The following RNF150 variants were observed in gnomAD, a reference collection of about 807,000 sequenced individuals.
RNF150 encodes the protein ring finger protein 150.
Under a neutral mutation model 39.3 loss-of-function variants are expected in RNF150, and 24 were observed. That is an observed-to-expected ratio of 0.61 (90% confidence interval 0.44 to 0.86). RNF150 has a LOEUF of 0.86. Among genes scored for constraint, RNF150 ranks in the 40% least tolerant of loss-of-function variants. RNF150 has a pLI of 0.00. For missense variants in RNF150, 502 were observed against 587.8 expected, an observed-to-expected ratio of 0.85 and a Z score of 1.51; for synonymous variants, 255 against 227.3, an observed-to-expected ratio of 1.12 and a Z score of -1.10.
intron 1 of RNF150, among the ~76,000 whole-genome samples, chr4:141,019,999 C>CTCTG (rs1735426786): frequency 6.6e-6 from 1 of 152,102 alleles, no homozygotes; most frequent in South Asian, 2.1e-4. Context: ...CCTCTATTAA[C>CTCTG]TCTTAGACAG....
intron 1 of RNF150, among the ~76,000 whole-genome samples, chr4:141,106,378 A>G (rs1739208626): frequency 6.6e-6 from 1 of 152,320 alleles, no homozygotes; most frequent in African/African-American, 2.4e-5. Flanking sequence ...ATATATACAC[A>G]CAGTGAAAAA....
chr4:140,893,642 G>A (rs1362166754), intron 6 of RNF150, among the ~76,000 whole-genome samples: 5 of 152,114 alleles, frequency 3.3e-5, no homozygotes, highest in African/African-American at 1.2e-4. Flanking sequence ...ACCTCCCTAA[G>A]AAGAGGGGCC....
rs191831106 is a variant in RNF150 at position 141,126,115 on chromosome 4, T to C, written c.484+6210A>G. On this transcript the variant is annotated intron_variant, in intron 1 of 6. Transcript: ENST00000515673. ...ATACATACACACACACACACACACA[T>C]GCATACTAAGTGAGAAGGTGAGATT... Among the ~76,000 whole-genome samples, 301 of 95,828 alleles carry C rather than the reference T, an allele frequency of 3.1e-3. 3 individuals carry two copies. The highest frequency in any genetic ancestry group is 0.016 in the Middle Eastern group (3 of 188). The allele number at this position is 95,828 out of a possible 152,430, so 62.9% of individuals were successfully genotyped here. A position where few individuals can be genotyped will look rare whatever the true frequency, so the allele number is the denominator to read the frequency against.
intron 4 of RNF150, among the ~76,000 whole-genome samples, chr4:140,939,621 TGTGTGTGTGTG>T (rs1429631495): frequency 4.8e-5 from 1 of 20,832 alleles, no homozygotes; most frequent in Non-Finnish European, 1.2e-4. Flanking sequence ...TGTGTGTGTG[TGTGTGTGTGTG>T]TGTGTGTGTG....
At chr4:141,189,057 G>A (rs1488322813) in intron 1 of RNF150, among the ~76,000 whole-genome samples, 3 of 152,164 alleles carry the variant, frequency 2.0e-5, no homozygotes, top group Non-Finnish European at 4.4e-5. Flanking sequence ...CCTTTGGATC[G>A]GGTTTTTGCA....
intron 1 of RNF150, among the ~76,000 whole-genome samples, chr4:141,118,958 G>A (rs1726524007): frequency 6.6e-6 from 1 of 151,946 alleles, no homozygotes; most frequent in Admixed American, 6.6e-5. Context: ...ACAGGGTTTT[G>A]CCTTGTTGGC....
At chr4:141,139,454 A>G (rs954121792) in intron 1 of RNF150, among the ~76,000 whole-genome samples, 14 of 152,216 alleles carry the variant, frequency 9.2e-5, no homozygotes, top group Non-Finnish European at 1.2e-4. Flanking sequence ...ACATTTAGGG[A>G]TGATTGAACC....
intron 2 of RNF150, among the ~76,000 whole-genome samples, chr4:140,967,191 T>C (rs763681379): frequency 3.9e-5 from 6 of 152,188 alleles, no homozygotes; most frequent in Non-Finnish European, 8.8e-5. Context: ...CTTTTCATTA[T>C]ACGCCATGTG....
chr4:140,955,927 G>C (rs553659505), intron 2 of RNF150, among the ~76,000 whole-genome samples: 1 of 152,238 alleles, frequency 6.6e-6, no homozygotes, highest in East Asian at 1.9e-4. Context: ...GTAAATATTA[G>C]GAAAAGTTAT....
intron 1 of RNF150, among the ~76,000 whole-genome samples, chr4:141,057,690 C>G (rs1737038622): frequency 1.3e-5 from 2 of 152,120 alleles, no homozygotes; most frequent in Admixed American, 1.3e-4. Flanking sequence ...TAACCTCTCA[C>G]CTCTTTGACA....
rs550579321 is a variant in RNF150, at chr4:141,050,741, T to G, written c.484+81584A>C. On this transcript the variant is annotated intron_variant, in intron 1 of 6. Coordinates refer to ENST00000515673, the MANE Select transcript of RNF150 (RefSeq NM_020724.2). ...CCCTGTGGCTATGCAGTGTACAGCC[T>G]CCCTCCTGGCTACTTTCACTGGTGG... 3.4e-4 allele frequency among the ~76,000 whole-genome samples: 52 copies of G among 152,318 alleles called. No homozygotes were observed. The South Asian group carries it at 6.4e-3, about 19-fold the overall frequency.
At chr4:141,113,207 G>A (rs930878631) in intron 1 of RNF150, among the ~76,000 whole-genome samples, 3 of 151,478 alleles carry the variant, frequency 2.0e-5, no homozygotes, top group Non-Finnish European at 4.4e-5. Flanking sequence ...TTATTACCCC[G>A]CTTCTGAGCC....
intron 1 of RNF150, among the ~76,000 whole-genome samples, chr4:140,969,663 TTA>T (rs1264316642): frequency 6.6e-6 from 1 of 151,890 alleles, no homozygotes; most frequent in Non-Finnish European, 1.5e-5. Flanking sequence ...TTTGGCATGT[TTA>T]CTTAAAGCTC....
intron 1 of RNF150, among the ~76,000 whole-genome samples, chr4:141,024,186 G>C (rs145564480): frequency 6.6e-6 from 1 of 152,158 alleles, no homozygotes; most frequent in Non-Finnish European, 1.5e-5. Context: ...CTGGAGTTCA[G>C]ATTTGTCTCT....
chr4:140,938,255 G>A (rs570238233), intron 4 of RNF150, among the ~76,000 whole-genome samples: 6 of 152,044 alleles, frequency 3.9e-5, no homozygotes, highest in Non-Finnish European at 7.4e-5. Flanking sequence ...TGATGGTAAC[G>A]CTAAGTTTTC....
intron 1 of RNF150, among the ~76,000 whole-genome samples, chr4:141,147,926 A>G (rs1306741941): frequency 6.6e-6 from 1 of 152,214 alleles, no homozygotes; most frequent in Admixed American, 6.5e-5. Context: ...GTTTTCTCCC[A>G]GGAGTTGAAT....
intron 1 of RNF150, among the ~76,000 whole-genome samples, chr4:141,058,655 C>T (rs916162918): frequency 2.0e-5 from 3 of 152,058 alleles, no homozygotes; most frequent in African/African-American, 7.2e-5. Flanking sequence ...CCTCGAATTC[C>T]TCATTTCAAA....
intron 1 of RNF150, among the ~76,000 whole-genome samples, chr4:141,104,561 T>C (rs1739134436): frequency 6.6e-6 from 1 of 152,182 alleles, no homozygotes; most frequent in Non-Finnish European, 1.5e-5. Context: ...ACATTCAATG[T>C]TGTGCAAAAC....
Position 141,070,805 on chromosome 4 carries a change from A to C in RNF150, c.484+61520T>G, listed in dbSNP as rs1424546037. On this transcript the variant is annotated intron_variant, in intron 1 of 6. Transcript: ENST00000515673. ...GGTGGGACTGTAAACTAGTTCAACC[A>C]TTGTGGAAGTCAGTGTGGTGATTCC... Among the ~76,000 whole-genome samples, 11 of 149,886 alleles carry C rather than the reference A, an allele frequency of 7.3e-5. No homozygotes were observed. The East Asian group carries it at 2.0e-3, about 27-fold the overall frequency.
Sources: gnomAD v4.1 joint callset for allele counts (sites outside exome capture counted in the v4.1 genomes callset) on GRCh38, gnomAD v4.1.1 for gene constraint, MANE v1.5 for transcripts, NCBI Gene and HGNC (gene_info 2026-07-23, HGNC 2026-07-21) for gene names.